The following KHSRP variants were observed in gnomAD, a reference collection of about 807,000 sequenced individuals.
KHSRP encodes KH-type splicing regulatory protein.
Under a neutral mutation model 94.9 loss-of-function variants are expected in KHSRP, and 13 were observed. The observed-to-expected ratio is 0.14, with a 90% CI of 0.09 to 0.22. The LOEUF (loss-of-function observed/expected upper bound fraction) is 0.22, where lower values mean the gene tolerates loss of function less well. Ranked by LOEUF, KHSRP falls within the 10% of genes least tolerant of loss-of-function variation. KHSRP has a pLI of 1.00. For synonymous variants in KHSRP, 495 were observed against 401.4 expected (o/e 1.23, Z -2.79); for missense variants, 710 against 1,010.0 (o/e 0.70, Z 4.03).
chr19:6,416,235 C>T, intron 15 of KHSRP, 63 bp downstream of exon 15: 2 of 1,334,424 alleles, frequency 1.5e-6, no homozygotes, highest in Non-Finnish European at 2.1e-6. Context: ...ATGGGGTCTG[C>T]TATTCTTCTT....
Position 6,413,536 on chromosome 19 carries a change from G to A in KHSRP, c.*1488C>T. The A allele has an allele frequency of 3.8e-6, 1 of 259,836 alleles. No individual in the cohort carries two copies. Among genetic ancestry groups the A allele is most frequent in the Admixed American group, 4.6e-5 (1 of 21,614 alleles). The allele number at this position is 259,836 out of a possible 1,614,324, so 16.1% of individuals were successfully genotyped here. On this transcript the variant is annotated 3_prime_UTR_variant, in exon 19 of 19. Transcript: ENST00000600480. ...GCGGGAGCTGAGCCAGGGCGGGAGGGAGAGAAGAGGGGGCTTGGCTGCTGG... is the reference window on the plus strand; with the variant it reads ...GCGGGAGCTGAGCCAGGGCGGGAGGAAGAGAAGAGGGGGCTTGGCTGCTGG...
chr19:6,417,341 C>T, intron 11 of KHSRP, among the ~76,000 whole-genome samples: 1 of 152,332 alleles, frequency 6.6e-6, no homozygotes, highest in East Asian at 1.9e-4. Flanking sequence ...AGAGATTTTA[C>T]AGAACAATAA....
chr19:6,421,602 C>A lies in KHSRP; in HGVS notation c.385+48G>T, dbSNP rs1419591066. 8 of 1,606,778 alleles carry A rather than the reference C, an allele frequency of 5.0e-6. No individual in the cohort carries two copies. The South Asian group carries it at 7.7e-5, about 15-fold the overall frequency. ...CTTCCAGCTCCTGACTCCTGAAAAC[C>A]TCAACCCTCTGAAGCCACATATCTG... On this transcript the variant is annotated intron_variant, in intron 3 of 18. Transcript: ENST00000600480.
Position 6,418,631 on chromosome 19 carries a change from G to C in KHSRP, c.781-50C>G, listed in dbSNP as rs759300586. ...GTGCTGGGCTCTCCCAGGACTTCCT[G>C]GGCTGCTGTGGTGGTGGCGGTGGGG... On this transcript the variant is annotated intron_variant, in intron 8 of 18. Transcript: ENST00000600480. The surrounding 1 kb of genome is among the most constrained non-coding windows in gnomAD (Gnocchi z 4.3). 3.1e-6 allele frequency: 5 copies of C among 1,612,950 alleles called. No individual in the cohort carries two copies. Among genetic ancestry groups the C allele is most frequent in the Middle Eastern group, 1.6e-4 (1 of 6,080 alleles).
chr19:6,419,350 A>G, intron 6 of KHSRP, 90 bp from the exon 7 acceptor site: 1 of 1,200,134 alleles, frequency 8.3e-7, no homozygotes, highest in South Asian at 1.4e-5. Context: ...AGAACAACCA[A>G]GGGCCACTTC....
In KHSRP at chr19:6,421,306, G is replaced by T; in HGVS notation, c.397C>A (p.Gln133Lys). ...LASQGDSISS[Q>K]LGPIHPPPRT... The stretch of plus-strand genomic sequence containing the variant: ...GGGGGAGGATGGATGGGTCCAAGTT[G>T]AGAACTGATTGCTGTAGAGAGAAAA... Residue 133 changes from glutamine (Q) to lysine (K), a missense_variant, in exon 4 of 19, where the codon CAA (glutamine) becomes AAA (lysine). Transcript: ENST00000600480. 1 of 1,589,808 alleles carries T rather than the reference G, an allele frequency of 6.3e-7. No homozygotes were observed. Among genetic ancestry groups the T allele is most frequent in the East Asian group, 2.3e-5 (1 of 43,724 alleles).
chr19:6,414,114 AT>A lies in KHSRP; in HGVS notation c.*909del. ...GAAGAAGTTCACATTCATTCGATTC[AT>A]TGAGCCTGCGGAGAGGGAAGAGATA... is the stretch of plus-strand genomic sequence containing the variant. On this transcript the variant is annotated 3_prime_UTR_variant, in exon 19 of 19. Transcript: ENST00000600480. 7.1e-7 allele frequency: 1 copy of A among 1,405,124 alleles called. No individual in the cohort carries two copies. Among genetic ancestry groups the A allele is most frequent in the Non-Finnish European group, 9.5e-7 (1 of 1,047,742 alleles). 87.0% of individuals were successfully genotyped at this position (1,405,124 alleles called of 1,614,324 possible).
In KHSRP at chr19:6,421,316, T is replaced by G. The variant is rs1231100234; in HGVS notation, c.387A>C (p.Ser129=). 6.3e-7 allele frequency: 1 copy of G among 1,587,908 alleles called. No homozygotes were observed. The highest frequency in any genetic ancestry group is 1.3e-5 in the African/African-American group (1 of 74,370). Residue 129 remains serine, a splice_region_variant and synonymous_variant, in exon 4 of 19, where the codon TCA becomes TCC. Coordinates refer to ENST00000600480, the MANE Select transcript of KHSRP (RefSeq NM_001366299.1). ...GGATGGGTCCAAGTTGAGAACTGATTGCTGTAGAGAGAAAACCCAAAGCAA... is the reference window on the plus strand; with the variant it reads ...GGATGGGTCCAAGTTGAGAACTGATGGCTGTAGAGAGAAAACCCAAAGCAA... ...ESKKLASQGD[S]ISSQLGPIHP...
intron 7 of KHSRP, 124 bp downstream of exon 7, chr19:6,419,079 T>A (rs2092177322): frequency 9.5e-6 from 11 of 1,157,866 alleles, no homozygotes; most frequent in Non-Finnish European, 1.4e-5. Context: ...AACATGGCTG[T>A]CTGGAGATGG....
chr19:6,415,982 G>C (rs1449766552), intron 15 of KHSRP, 86 bp from the exon 16 acceptor site: 2 of 879,874 alleles, frequency 2.3e-6, no homozygotes, highest in Middle Eastern at 3.1e-4. Flanking sequence ...TTTTTCAGTG[G>C]GGAGGCGCCA....
intron 10 of KHSRP, 40 bp downstream of exon 10, chr19:6,417,941 T>C (rs1247214012): frequency 6.2e-7 from 1 of 1,601,274 alleles, no homozygotes; most frequent in South Asian, 1.1e-5. Context: ...CTCCCTCCAC[T>C]GGCGGGGGAG....
intron 1 of KHSRP, among the ~76,000 whole-genome samples, chr19:6,422,733 G>T (rs2092202562): frequency 6.6e-6 from 1 of 152,108 alleles, no homozygotes; most frequent in Non-Finnish European, 1.5e-5. Context: ...GGGTGACAAG[G>T]AACAGAGGCT....
chr19:6,424,681 T>G lies in KHSRP; in HGVS notation c.21A>C (p.Gly7=). MSDYST[G]GPPPGPPPPA... Reference sequence around the variant, plus strand: ...GCGGCGGCGGCCCGGGCGGGGGTCCTCCCGTGCTGTAGTCCGACATGGCGC... The same window carrying G: ...GCGGCGGCGGCCCGGGCGGGGGTCCGCCCGTGCTGTAGTCCGACATGGCGC... Residue 7 remains glycine, a synonymous_variant, in exon 1 of 19, where the codon GGA becomes GGC. Transcript: ENST00000600480. The G allele has an allele frequency of 9.7e-7, 1 of 1,026,442 alleles. No individual in the cohort carries two copies. Among genetic ancestry groups the G allele is most frequent in the South Asian group, 4.5e-5 (1 of 22,388 alleles). 63.6% of individuals were successfully genotyped at this position (1,026,442 alleles called of 1,614,324 possible).
At position 6,415,078 on chromosome 19, in the gene KHSRP, A is replaced by T; in HGVS notation, c.2190T>A (p.His730Gln). The change falls in exon 19 of 19, where the codon CAT becomes CAA. Residue 730 changes from histidine to glutamine, a missense_variant. Physicochemically the swap from His to Gln is conservative, Grantham distance 24. This residue lies in a region of KHSRP where 292 missense variants were observed against 340.5 expected (regional missense o/e 0.86). Transcript: ENST00000600480. ...PFSFQPPATV[H>Q]PALVGSAGNP... ...TTCCGGCGCTACCCACTAAGGCAGG[A>T]TGGACGGTGGCCGGGGGTTGGAAGG... 6.3e-7 allele frequency: 1 copy of T among 1,589,288 alleles called. No individual in the cohort carries two copies. Among genetic ancestry groups the T allele is most frequent in the Middle Eastern group, 1.7e-4 (1 of 5,900 alleles).
chr19:6,416,517 G>A lies in KHSRP; in HGVS notation c.1461C>T (p.Ala487=). 6.2e-7 allele frequency: 1 copy of A among 1,613,616 alleles called. No individual in the cohort carries two copies. ...CGATCTTTTCCTCGATAAGCTGCTT[G>A]GCGTGGTCAATCTGCTGGGGTGAAC... ...IRGSPQQIDH[A]KQLIEEKIEG... is the part of the protein sequence containing the mutation. Residue 487 remains alanine, a synonymous_variant, in exon 14 of 19, where the codon GCC becomes GCT. Transcript: ENST00000600480.
chr19:6,419,761 G>A (rs2092183888), intron 6 of KHSRP, among the ~76,000 whole-genome samples: 1 of 152,166 alleles, frequency 6.6e-6, no homozygotes, highest in Non-Finnish European at 1.5e-5. Flanking sequence ...CAGTCTTGCC[G>A]GGGTGCTTTC....
chr19:6,423,506 C>G (rs949838484), intron 1 of KHSRP, among the ~76,000 whole-genome samples: 1 of 152,264 alleles, frequency 6.6e-6, no homozygotes, highest in Admixed American at 6.5e-5. Flanking sequence ...TCCCCACCAA[C>G]TGACAGCACC....
Position 6,414,682 on chromosome 19 carries a change from G to A in KHSRP, c.*342C>T, listed in dbSNP as rs2092128821. Reference sequence around the variant, plus strand: ...TTGGACACAGGAAAAAAGATCATGGGTTTAAAAAATAAAAGAATAAAAAGA... The same window carrying A: ...TTGGACACAGGAAAAAAGATCATGGATTTAAAAAATAAAAGAATAAAAAGA... On this transcript the variant is annotated 3_prime_UTR_variant, in exon 19 of 19. Coordinates refer to ENST00000600480, the MANE Select transcript of KHSRP (RefSeq NM_001366299.1). The A allele has an allele frequency of 2.0e-5, 20 of 1,018,408 alleles. No individual in the cohort carries two copies. The South Asian group carries it at 7.6e-4, about 39-fold the overall frequency. The allele number at this position is 1,018,408 out of a possible 1,614,324, so 63.1% of individuals were successfully genotyped here. A position where few individuals can be genotyped will look rare whatever the true frequency, so the allele number is the denominator to read the frequency against.
At chr19:6,421,256 T>C in intron 4 of KHSRP, 22 bp downstream of exon 4, 1 of 1,576,142 alleles carries the variant, frequency 6.3e-7, no homozygotes, top group Non-Finnish European at 8.6e-7. Flanking sequence ...AAGAAAGCAG[T>C]GTGGGCCCCA....
Sources: gnomAD v4.1 joint callset for allele counts (sites outside exome capture counted in the v4.1 genomes callset) on GRCh38, gnomAD v4.1.1 for gene constraint, gnomAD v4.1.1 regional missense constraint, Gnocchi (gnomAD v3.1) non-coding constraint, MANE v1.5 for transcripts, NCBI Gene and HGNC (gene_info 2026-07-23, HGNC 2026-07-21) for gene names.